NOL10: variants seen among roughly 807,000 people sequenced by gnomAD.
The protein encoded by NOL10 is nucleolar protein 10.
In NOL10, 58 loss-of-function variants were observed where a neutral mutation model predicts 103.5. That is an observed-to-expected ratio of 0.56 (90% CI 0.45 to 0.70). The LOEUF (loss-of-function observed/expected upper bound fraction) is 0.70, where lower values mean the gene tolerates loss of function less well. Among genes scored for constraint, NOL10 ranks in the 30% least tolerant of loss-of-function variants. The pLI, the probability that NOL10 is intolerant of heterozygous loss-of-function variation, is 0.00. For synonymous variants in NOL10, 287 were observed against 282.5 expected (o/e 1.02, Z -0.16); for missense variants, 763 against 807.3 (o/e 0.95, Z 0.67).
intron 3 of NOL10, among the ~76,000 whole-genome samples, chr2:10,679,251 C>G (rs1179269966): frequency 6.6e-6 from 1 of 151,198 alleles, no homozygotes; most frequent in Non-Finnish European, 1.5e-5. Context: ...CCCAGCTACT[C>G]AGGAGGCTGT....
chr2:10,668,145 C>T (rs1680672523), intron 7 of NOL10, among the ~76,000 whole-genome samples: 1 of 152,174 alleles, frequency 6.6e-6, no homozygotes, highest in Non-Finnish European at 1.5e-5. Flanking sequence ...ACACCTGGCA[C>T]AAAGTGCTTT....
intron 9 of NOL10, among the ~76,000 whole-genome samples, chr2:10,662,651 G>T (rs62127208): frequency 0.016 from 2,460 of 152,100 alleles, 27 homozygotes; most frequent in Non-Finnish European, 0.025. Context: ...CACCTCTGTG[G>T]ACTTTGTGGT....
At chr2:10,643,972 G>A (rs1273517434) in intron 13 of NOL10, among the ~76,000 whole-genome samples, 1 of 152,074 alleles carries the variant, frequency 6.6e-6, no homozygotes, top group Non-Finnish European at 1.5e-5. Flanking sequence ...ATCTTTGGCC[G>A]GGAGTGGTGG....
At chr2:10,681,893 T>TA (rs944027416) in intron 3 of NOL10, 78 bp downstream of exon 3, 5,205 of 458,498 alleles carry the variant, frequency 0.011, no homozygotes, top group East Asian at 0.013. Context: ...ATATTAGGGT[T>TA]AAAAAAAAAA....
chr2:10,674,990 G>T (rs551943734), intron 4 of NOL10, among the ~76,000 whole-genome samples: 12 of 152,144 alleles, frequency 7.9e-5, no homozygotes, highest in Non-Finnish European at 1.6e-4. Flanking sequence ...GACGGCTGAG[G>T]CCAGGAGCTT....
At chr2:10,607,689 A>C (rs557081531) in intron 13 of NOL10, among the ~76,000 whole-genome samples, 43 of 151,674 alleles carry the variant, frequency 2.8e-4, no homozygotes, top group African/African-American at 9.9e-4. Context: ...TTGGTACACT[A>C]GATTTTTTAA....
chr2:10,587,080 T>TATATACAC (rs1553296074), intron 19 of NOL10, among the ~76,000 whole-genome samples: 1 of 46,158 alleles, frequency 2.2e-5, no homozygotes, highest in Non-Finnish European at 4.9e-5. Flanking sequence ...TATATATACA[T>TATATACAC]ATATATACAT....
At chr2:10,586,591 A>T (rs1411017214) in intron 19 of NOL10, among the ~76,000 whole-genome samples, 1 of 137,142 alleles carries the variant, frequency 7.3e-6, no homozygotes, top group Admixed American at 7.4e-5. Flanking sequence ...AGTTAACACC[A>T]TTACTCGCCT....
At chr2:10,645,231 C>T (rs1432441254) in intron 12 of NOL10, among the ~76,000 whole-genome samples, 1 of 152,026 alleles carries the variant, frequency 6.6e-6, no homozygotes, top group Non-Finnish European at 1.5e-5. Context: ...CTCAAGAGCG[C>T]CTGCTTTTAA....
At chr2:10,632,770 G>A (rs923764458) in intron 13 of NOL10, among the ~76,000 whole-genome samples, 15 of 151,284 alleles carry the variant, frequency 9.9e-5, no homozygotes, top group Non-Finnish European at 1.5e-4. Flanking sequence ...TTTAACCATG[G>A]GCCTGGTTCC....
At chr2:10,660,155 T>C (rs548446802) in intron 9 of NOL10, among the ~76,000 whole-genome samples, 11 of 152,258 alleles carry the variant, frequency 7.2e-5, no homozygotes, top group African/African-American at 2.6e-4. Context: ...TCATCAGGTC[T>C]CTTCTGCCAC....
intron 13 of NOL10, chr2:10,634,471 ACAC>A (rs1678056801): frequency 2.2e-6 from 1 of 456,388 alleles, no homozygotes; most frequent in Admixed American, 2.3e-5. Context: ...TCTGATGTAG[ACAC>A]ATTAAACAGG....
chr2:10,660,758 T>A (rs1463649196), intron 9 of NOL10, among the ~76,000 whole-genome samples: 1 of 152,154 alleles, frequency 6.6e-6, no homozygotes, highest in Non-Finnish European at 1.5e-5. Context: ...GTTATATTAG[T>A]TCTTATAGAT....
intron 17 of NOL10, among the ~76,000 whole-genome samples, chr2:10,598,314 T>C (rs531312165): frequency 6.6e-6 from 1 of 152,326 alleles, no homozygotes; most frequent in East Asian, 1.9e-4. Context: ...AACTGTTGCA[T>C]TGCTTCTTCA....
At chr2:10,581,434 C>T (rs942583336) in intron 19 of NOL10, among the ~76,000 whole-genome samples, 5 of 152,198 alleles carry the variant, frequency 3.3e-5, no homozygotes, top group African/African-American at 7.2e-5. Context: ...TCCCAGCACA[C>T]CCACCTTATG....
intron 13 of NOL10, among the ~76,000 whole-genome samples, chr2:10,634,227 A>G (rs1390473866): frequency 6.6e-6 from 1 of 152,236 alleles, no homozygotes; most frequent in Non-Finnish European, 1.5e-5. Context: ...TCAGTTATCC[A>G]GTATTACAGT....
intron 16 of NOL10, among the ~76,000 whole-genome samples, 198 bp downstream of exon 16, chr2:10,602,578 G>A (rs78979433): frequency 0.2 from 30,841 of 152,108 alleles, 4,114 homozygotes; most frequent in Non-Finnish European, 0.3. Flanking sequence ...GTCATAATGC[G>A]AAAATTGTAA....
At chr2:10,677,893 G>A (rs1012545870) in intron 3 of NOL10, among the ~76,000 whole-genome samples, 1 of 149,244 alleles carries the variant, frequency 6.7e-6, no homozygotes, top group Non-Finnish European at 1.5e-5. Flanking sequence ...ATATGCGTGT[G>A]TATATATGTG....
intron 13 of NOL10, among the ~76,000 whole-genome samples, chr2:10,613,336 T>C (rs1472954953): frequency 1.3e-5 from 2 of 152,180 alleles, no homozygotes; most frequent in South Asian, 2.1e-4. Flanking sequence ...AACTGAGCAT[T>C]TGGTAAAAGT....
Sources: allele counts gnomAD v4.1 joint callset (sites outside exome capture counted in the v4.1 genomes callset), GRCh38; gene constraint gnomAD v4.1.1; transcripts MANE v1.5; gene names NCBI Gene and HGNC (gene_info 2026-07-23, HGNC 2026-07-21).